Variants in BRSK2 observed in about 807,000 individuals in gnomAD.
BRSK2 encodes serine/threonine-protein kinase BRSK2.
In BRSK2, 19 loss-of-function variants were observed where a neutral mutation model predicts 83.3. The ratio of observed to expected loss-of-function variants is 0.23; its 90% CI spans 0.16 to 0.33. The LOEUF is 0.33. Among genes scored for constraint, BRSK2 ranks in the 10% least tolerant of loss-of-function variants. The pLI is 1.00. For missense variants in BRSK2, 798 were observed against 1,042.3 expected (o/e 0.77, Z 3.23); for synonymous variants, 519 against 435.4 (o/e 1.19, Z -2.39).
At chr11:1,443,668 C>CGTGGCGGG in intron 8 of BRSK2, 33 bp downstream of exon 8, 1 of 1,441,470 alleles carries the variant, frequency 6.9e-7, no homozygotes, top group Non-Finnish European at 9.0e-7. Flanking sequence ...GGCCCCAGAG[C>CGTGGCGGG]GTGGCGGGGG....
chr11:1,443,033 G>C (rs1851569178), intron 5 of BRSK2, 73 bp from the exon 6 acceptor site: 1 of 1,487,964 alleles, frequency 6.7e-7, no homozygotes, highest in African/African-American at 1.4e-5. Context: ...GGGCCCTGCG[G>C]TGCACCATCA....
At chr11:1,442,461 CT>C in intron 4 of BRSK2, 28 bp from the exon 5 acceptor site, 1 of 1,574,660 alleles carries the variant, frequency 6.4e-7, no homozygotes, top group Non-Finnish European at 8.7e-7. Flanking sequence ...GAGACTGGCC[CT>C]GTTCAGCCTC....
At chr11:1,418,163 T>G (rs1408409754) in intron 1 of BRSK2, among the ~76,000 whole-genome samples, 8 of 142,094 alleles carry the variant, frequency 5.6e-5, no homozygotes, top group East Asian at 4.6e-4. Flanking sequence ...CTGCTTCTGT[T>G]GGCTGTTTCT....
intron 8 of BRSK2, 145 bp downstream of exon 8, chr11:1,443,780 A>G (rs549500149): frequency 7.8e-6 from 9 of 1,149,762 alleles, no homozygotes; most frequent in Non-Finnish European, 8.2e-6. Context: ...ACGTGTGCAC[A>G]GGTGTCGGCT....
chr11:1,449,433 G>A (rs1043927418), intron 12 of BRSK2, among the ~76,000 whole-genome samples: 2 of 152,236 alleles, frequency 1.3e-5, no homozygotes, highest in African/African-American at 2.4e-5. Context: ...AGAAGGGGCT[G>A]CATACAGGAA....
At chr11:1,460,131 G>A (rs1460975645) in intron 19 of BRSK2, among the ~76,000 whole-genome samples, 3 of 151,896 alleles carry the variant, frequency 2.0e-5, no homozygotes, top group Non-Finnish European at 4.4e-5. Context: ...CCAGGCCTTG[G>A]TGGGGAGGGA....
intron 1 of BRSK2, among the ~76,000 whole-genome samples, chr11:1,429,458 G>A (rs533425080): frequency 2.6e-5 from 4 of 152,156 alleles, no homozygotes; most frequent in Non-Finnish European, 5.9e-5. Context: ...ACAGGTGCAT[G>A]TCTGTGTGCG....
chr11:1,413,548 C>T (rs1391068949), intron 1 of BRSK2, among the ~76,000 whole-genome samples: 2 of 152,250 alleles, frequency 1.3e-5, no homozygotes, highest in Non-Finnish European at 1.5e-5. Flanking sequence ...CACATGGGCC[C>T]TGGCATCCAG....
rs1848889355 is a variant in BRSK2 at position 1,423,800 on chromosome 11, C to T, written c.92-12240C>T. Among the ~76,000 whole-genome samples the T allele has an allele frequency of 6.6e-6, 1 of 151,118 alleles. No individual in the cohort carries two copies. The highest frequency in any genetic ancestry group is 1.5e-5 in the Non-Finnish European group (1 of 67,674). On this transcript the variant is annotated intron_variant, in intron 1 of 19. Transcript: ENST00000528841. This position sits in a 1 kb window ranked among gnomAD's most constrained non-coding sequence, Gnocchi z 6.5. Reference sequence around the variant, plus strand: ...TGGGCGTTCCGGGTGCCCCAGGCCTCCCCCGCTGGGCGTTCCGGGTGCCCC... The same window carrying T: ...TGGGCGTTCCGGGTGCCCCAGGCCTTCCCCGCTGGGCGTTCCGGGTGCCCC...
At position 1,461,037 on chromosome 11, in the gene BRSK2, C is replaced by A. The variant is rs567723873; in HGVS notation, c.*314C>A. The A allele has an allele frequency of 6.2e-7, 1 of 1,609,498 alleles. No homozygotes were observed. The highest frequency in any genetic ancestry group is 1.7e-5 in the Admixed American group (1 of 59,840). The stretch of plus-strand genomic sequence containing the variant: ...CCTCTGTGACCGAAGGCAGCTGCTG[C>A]GGACCCGCCCTCCCTCCGCTCCTGC... On this transcript the variant is annotated 3_prime_UTR_variant, in exon 20 of 20. Transcript: ENST00000528841.
intron 18 of BRSK2, among the ~76,000 whole-genome samples, chr11:1,458,598 C>G (rs548257617): frequency 2.0e-4 from 30 of 152,290 alleles, no homozygotes; most frequent in African/African-American, 7.0e-4. Flanking sequence ...GGCTGAGAGC[C>G]CCCAGTGAGC....
At chr11:1,456,556 G>T in intron 17 of BRSK2, 28 bp downstream of exon 17, 1 of 1,601,316 alleles carries the variant, frequency 6.2e-7, no homozygotes, top group South Asian at 1.1e-5. Flanking sequence ...GGGCGGCTCC[G>T]GGCCCAGGCC....
intron 1 of BRSK2, among the ~76,000 whole-genome samples, chr11:1,414,532 T>G (rs755654956): frequency 5.3e-5 from 8 of 152,236 alleles, no homozygotes; most frequent in Non-Finnish European, 1.2e-4. Context: ...GGAAGATTTG[T>G]GTTTTGGAAA....
intron 8 of BRSK2, 123 bp downstream of exon 8, chr11:1,443,758 CCAGGTGTGTGGACGTGTGCA>C (rs1304555499): frequency 4.7e-6 from 6 of 1,277,462 alleles, no homozygotes; most frequent in East Asian, 5.4e-5. Flanking sequence ...GGGTCGGTGC[CCAGGTGTGTGGACGTGTGCA>C]CAGGTGTCGG....
chr11:1,445,732 TG>T (rs758762015), intron 11 of BRSK2, 24 bp from the exon 12 acceptor site: 3 of 1,610,826 alleles, frequency 1.9e-6, no homozygotes, highest in Non-Finnish European at 2.5e-6. Flanking sequence ...GGGGGCTGTC[TG>T]GCCTGACCTT....
At chr11:1,446,113 A>ACTGGGCTAG (rs1564859315) in intron 12 of BRSK2, among the ~76,000 whole-genome samples, 4 of 97,872 alleles carry the variant, frequency 4.1e-5, no homozygotes, top group African/African-American at 1.2e-4. Context: ...CTGGGCTGGG[A>ACTGGGCTAG]GCTGAGCTGG....
At chr11:1,427,395 C>T (rs1456525534) in intron 1 of BRSK2, among the ~76,000 whole-genome samples, 1 of 152,166 alleles carries the variant, frequency 6.6e-6, no homozygotes, top group Non-Finnish European at 1.5e-5. Context: ...CCTGGGGCTC[C>T]CTTTGACTCT....
chr11:1,409,135 C>T (rs1421521338), intron 1 of BRSK2, among the ~76,000 whole-genome samples: 1 of 152,176 alleles, frequency 6.6e-6, no homozygotes, highest in African/African-American at 2.4e-5. Flanking sequence ...AGGCATGGGC[C>T]TGGCTTTCCT....
chr11:1,459,902 G>C (rs944964591), intron 19 of BRSK2, among the ~76,000 whole-genome samples: 3 of 152,166 alleles, frequency 2.0e-5, no homozygotes, highest in Non-Finnish European at 4.4e-5. Flanking sequence ...GCCAGGGGTC[G>C]GGCTTCAGGC....
Sources: allele counts gnomAD v4.1 joint callset (sites outside exome capture counted in the v4.1 genomes callset), GRCh38; gene constraint gnomAD v4.1.1; non-coding constraint Gnocchi (gnomAD v3.1); transcripts MANE v1.5; gene names NCBI Gene and HGNC (gene_info 2026-07-23, HGNC 2026-07-21).